RAP1A: variants seen among roughly 807,000 people sequenced by gnomAD.
RAP1A encodes RAP1A, member of RAS oncogene family.
A neutral mutation model predicts 26.4 loss-of-function variants in RAP1A; 6 were observed. The ratio of observed to expected loss-of-function variants is 0.23; its 90% CI spans 0.12 to 0.45. RAP1A has a LOEUF of 0.45. Among genes scored for constraint, RAP1A ranks in the 20% least tolerant of loss-of-function variants. The probability of loss-of-function intolerance (pLI) is 0.99; values close to 1 mark genes in which losing one functional copy is unlikely to be tolerated. For missense variants in RAP1A, 121 were observed against 217.2 expected, an observed-to-expected ratio of 0.56 and a Z score of 2.78; for synonymous variants, 73 against 79.4, an observed-to-expected ratio of 0.92 and a Z score of 0.43.
intron 1 of RAP1A, among the ~76,000 whole-genome samples, chr1:111,681,437 A>G (rs1316693444): frequency 6.6e-6 from 1 of 152,210 alleles, no homozygotes. Flanking sequence ...CAATGCAAGG[A>G]AGCTAAGAAC....
At chr1:111,586,829 T>G (rs149132528) in intron 1 of RAP1A, among the ~76,000 whole-genome samples, 2 of 152,222 alleles carry the variant, frequency 1.3e-5, no homozygotes, top group Non-Finnish European at 2.9e-5. Context: ...TTGCTTCTTA[T>G]GGCAAACTGC....
At chr1:111,660,584 C>T (rs557906359) in intron 1 of RAP1A, among the ~76,000 whole-genome samples, 1 of 152,160 alleles carries the variant, frequency 6.6e-6, no homozygotes, top group Non-Finnish European at 1.5e-5. Flanking sequence ...CTATCTCTTG[C>T]ATTATTTCAG....
chr1:111,605,740 G>T (rs2786989), intron 1 of RAP1A, among the ~76,000 whole-genome samples: 124,517 of 152,180 alleles, frequency 0.82, 51,159 homozygotes, highest in South Asian at 0.87. Flanking sequence ...GCTGTGCCTT[G>T]CTGAAGTCAT....
chr1:111,669,730 C>G (rs1347478452), intron 1 of RAP1A, among the ~76,000 whole-genome samples: 1 of 152,182 alleles, frequency 6.6e-6, no homozygotes, highest in African/African-American at 2.4e-5. Context: ...GAAGAAAAAT[C>G]AAGTAGATAC....
At chr1:111,659,468 A>G (rs1313890782) in intron 1 of RAP1A, among the ~76,000 whole-genome samples, 7 of 151,642 alleles carry the variant, frequency 4.6e-5, no homozygotes, top group African/African-American at 1.5e-4. Context: ...CTTATAGACA[A>G]CATATAGTTG....
chr1:111,664,626 A>T (rs981190830), intron 1 of RAP1A, among the ~76,000 whole-genome samples: 2 of 152,104 alleles, frequency 1.3e-5, no homozygotes, highest in African/African-American at 4.8e-5. Context: ...ACACAGTGAA[A>T]AATCTCTTTT....
At chr1:111,579,488 T>G (rs945743825) in intron 1 of RAP1A, among the ~76,000 whole-genome samples, 1 of 152,220 alleles carries the variant, frequency 6.6e-6, no homozygotes, top group Non-Finnish European at 1.5e-5. Flanking sequence ...TCTCATTTAA[T>G]GTAACACTGA....
At position 111,609,564 on chromosome 1, in the gene RAP1A, G is replaced by A. The variant is rs555446883; in HGVS notation, c.-28+67055G>A. Among the ~76,000 whole-genome samples the A allele has an allele frequency of 4.6e-5, 7 of 152,270 alleles. No homozygotes were observed. In the South Asian group the frequency reaches 1.5e-3, roughly 32 times the overall value. ...ACACTGGGTGCTGGTGCTCCGCTCT[G>A]TGTCATTGTGGCCCCTGAACAATGG... On this transcript the variant is annotated intron_variant, in intron 1 of 7. Coordinates refer to the RAP1A transcript ENST00000356415.
intron 1 of RAP1A, among the ~76,000 whole-genome samples, chr1:111,567,593 A>C (rs1215626542): frequency 3.9e-5 from 6 of 152,210 alleles, no homozygotes; most frequent in African/African-American, 1.4e-4. Context: ...TATGGAGGTA[A>C]CTGAGGTTAA....
chr1:111,563,926 A>C, intron 1 of RAP1A: 1 of 1,613,878 alleles, frequency 6.2e-7, no homozygotes, highest in Non-Finnish European at 8.5e-7. Flanking sequence ...CCTTCTGCTC[A>C]ATGGGTCCTG....
intron 1 of RAP1A, among the ~76,000 whole-genome samples, chr1:111,575,433 G>A (rs1456826470): frequency 1.3e-5 from 2 of 152,216 alleles, no homozygotes; most frequent in East Asian, 3.8e-4. Context: ...GGTTACAGGT[G>A]TGGGCCACCA....
In RAP1A at chr1:111,568,805, A is replaced by G. The variant is rs79372516; in HGVS notation, c.-28+26296A>G. On this transcript the variant is annotated intron_variant, in intron 1 of 7. Coordinates refer to the RAP1A transcript ENST00000356415. Reference sequence around the variant, plus strand: ...CCGCCCCTGCCACTCCTGAGACAGTAAGACCAACCTCTCCTCTTCCACCTT... The same window carrying G: ...CCGCCCCTGCCACTCCTGAGACAGTGAGACCAACCTCTCCTCTTCCACCTT... Among the ~76,000 whole-genome samples, 778 of 152,212 alleles carry G rather than the reference A, an allele frequency of 5.1e-3. 5 individuals carry two copies. The highest frequency in any genetic ancestry group is 0.018 in the African/African-American group (737 of 41,526).
At position 111,680,852 on chromosome 1, in the gene RAP1A, A is replaced by G. The variant is rs1226584644; in HGVS notation, c.-27-10482A>G. 3 of 152,350 alleles carry G rather than the reference A, an allele frequency of 2.0e-5. No homozygotes were observed. In the East Asian group the frequency reaches 5.8e-4, roughly 29 times the overall value. The allele number at this position is 152,350 out of a possible 1,614,324, so 9.4% of individuals were successfully genotyped here. A position where few individuals can be genotyped will look rare whatever the true frequency, so the allele number is the denominator to read the frequency against. ...ACAAACAGAAAGCAATAACATCAAC[A>G]TCAACAAAAAGGAAGCCCATGCAAA... On this transcript the variant is annotated intron_variant, in intron 1 of 7. Transcript: ENST00000369709.
At chr1:111,649,399 C>G (rs1476390836) in intron 1 of RAP1A, 2 of 363,196 alleles carry the variant, frequency 5.5e-6, no homozygotes, top group Non-Finnish European at 1.1e-5. Context: ...CCAAGCTGTC[C>G]CAGAAGCTGG....
chr1:111,612,245 T>C (rs1658938159), intron 1 of RAP1A, among the ~76,000 whole-genome samples: 2 of 152,196 alleles, frequency 1.3e-5, no homozygotes, highest in Non-Finnish European at 2.9e-5. Context: ...TGGCCAGCTG[T>C]GTCTTGCCTG....
chr1:111,587,397 ACT>A (rs1395438529), intron 1 of RAP1A, among the ~76,000 whole-genome samples: 1 of 151,816 alleles, frequency 6.6e-6, no homozygotes, highest in South Asian at 2.1e-4. Context: ...ACACCTAAAA[ACT>A]CTCAGTCTAA....
intron 1 of RAP1A, among the ~76,000 whole-genome samples, chr1:111,571,427 C>T (rs1011823990): frequency 6.6e-6 from 1 of 152,136 alleles, no homozygotes; most frequent in Non-Finnish European, 1.5e-5. Flanking sequence ...TTTCTGGTGA[C>T]CAGCCTCCAT....
intron 1 of RAP1A, among the ~76,000 whole-genome samples, chr1:111,688,026 CAAAAAAAAAA>C (rs58107878): frequency 7.7e-5 from 4 of 51,706 alleles, no homozygotes; most frequent in African/African-American, 3.2e-4. Context: ...GACCCTGTCT[CAAAAAAAAAA>C]AAAAAAAAAA....
At chr1:111,625,800 T>A (rs964364498) in intron 1 of RAP1A, among the ~76,000 whole-genome samples, 1 of 152,204 alleles carries the variant, frequency 6.6e-6, no homozygotes, top group Non-Finnish European at 1.5e-5. Flanking sequence ...TTTTTCTTTT[T>A]CTATTTCCCT....
Sources: allele counts gnomAD v4.1 joint callset (sites outside exome capture counted in the v4.1 genomes callset), GRCh38; gene constraint gnomAD v4.1.1; transcripts MANE v1.5; gene names NCBI Gene and HGNC (gene_info 2026-07-23, HGNC 2026-07-21).